Variants in TENM1 observed in about 807,000 individuals in gnomAD.
The protein encoded by TENM1 is teneurin transmembrane protein 1.
In TENM1, 35 loss-of-function variants were observed where a neutral mutation model predicts 174.8. That is an observed-to-expected ratio of 0.20 (90% CI 0.15 to 0.27). The LOEUF is 0.27. TENM1 is among the 10% of genes least tolerant of loss of function. The pLI is 1.00. For missense variants in TENM1, 1,633 were observed against 2,130.1 expected (o/e 0.77, Z 4.59); for synonymous variants, 781 against 798.7 (o/e 0.98, Z 0.37).
chrX:124,443,347 A>T, intron 23 of TENM1, among the ~76,000 whole-genome samples: 1 of 110,595 alleles, frequency 9.0e-6, no homozygotes. Flanking sequence ...GATGAGAGAG[A>T]GGGGAAGGTT....
intron 4 of TENM1, among the ~76,000 whole-genome samples, chrX:124,735,129 A>C (rs1267480213): frequency 1.8e-5 from 2 of 112,557 alleles, no homozygotes; most frequent in Non-Finnish European, 3.7e-5. Context: ...TCTGCATAGC[A>C]AAATAAATAA....
intron 11 of TENM1, among the ~76,000 whole-genome samples, chrX:124,569,076 T>A (rs895561267): frequency 1.8e-5 from 2 of 110,832 alleles, no homozygotes; most frequent in Non-Finnish European, 3.8e-5. Context: ...TGGTGGCATG[T>A]GCCTACAGCT....
chrX:124,738,329 G>GA (rs1205368986), intron 3 of TENM1, among the ~76,000 whole-genome samples: 1,412 of 102,695 alleles, frequency 0.014, 20 homozygotes, highest in African/African-American at 0.041. Context: ...GCTGATCACA[G>GA]AAAAAAAAAA....
At chrX:124,748,530 G>A (rs899037867) in intron 3 of TENM1, among the ~76,000 whole-genome samples, 3 of 111,185 alleles carry the variant, frequency 2.7e-5, no homozygotes, top group East Asian at 5.7e-4. Context: ...TAACCTAAAC[G>A]TTTAGGGAAC....
intron 22 of TENM1, among the ~76,000 whole-genome samples, chrX:124,465,439 T>TG (rs761626790): frequency 3.6e-5 from 4 of 110,774 alleles, no homozygotes; most frequent in African/African-American, 1.3e-4. Flanking sequence ...TTTGTAGATA[T>TG]GGGGGTCTCA....
At chrX:124,401,865 T>C (rs990023686) in intron 27 of TENM1, among the ~76,000 whole-genome samples, 2 of 112,214 alleles carry the variant, frequency 1.8e-5, no homozygotes, top group Non-Finnish European at 3.8e-5. Context: ...TTTTCCTGCC[T>C]GGAAGCCAGC....
intron 25 of TENM1, among the ~76,000 whole-genome samples, chrX:124,415,712 G>T (rs1266999190): frequency 9.0e-6 from 1 of 111,282 alleles, no homozygotes; most frequent in Non-Finnish European, 1.9e-5. Flanking sequence ...CTCGAGATTG[G>T]TTACTCACCA....
chrX:124,494,140 AAAGTAAGTGTT>A (rs1007904247), intron 20 of TENM1, among the ~76,000 whole-genome samples: 5 of 111,657 alleles, frequency 4.5e-5, no homozygotes, highest in African/African-American at 1.6e-4. Flanking sequence ...TGCTTGTGTG[AAAGTAAGTGTT>A]AAATGAAAAT....
chrX:124,621,497 A>ACAAAC (rs1193649783), intron 11 of TENM1, among the ~76,000 whole-genome samples: 6 of 111,576 alleles, frequency 5.4e-5, no homozygotes, highest in Non-Finnish European at 1.1e-4. Flanking sequence ...ACAAAACAAA[A>ACAAAC]CTGGGACCCA....
At position 124,582,972 on chromosome X, in the gene TENM1, C is replaced by G. The variant is rs111776009; in HGVS notation, c.2078-17412G>C. On this transcript the variant is annotated intron_variant, in intron 11 of 31. Coordinates refer to ENST00000422452, the Ensembl canonical transcript of TENM1. ...AGATCAAATTGCAAGACTGCAGCGACGCTGGGGGAGGGGCACCCGCCATTG... is the reference window on the plus strand; with the variant it reads ...AGATCAAATTGCAAGACTGCAGCGAGGCTGGGGGAGGGGCACCCGCCATTG... Among the ~76,000 whole-genome samples the G allele has an allele frequency of 2.7e-5, 3 of 112,129 alleles. No individual in the cohort carries two copies. The East Asian group carries it at 8.4e-4, about 32-fold the overall frequency.
In TENM1 at chrX:124,673,734, C is replaced by T. The variant is rs1569382380; in HGVS notation, c.1016-1899G>A. On this transcript the variant is annotated intron_variant, in intron 5 of 31. Transcript: ENST00000422452. The stretch of plus-strand genomic sequence containing the variant: ...AGAAGTTTCTTTCTCTCTCTCTCTC[C>T]CTCTCTCTCGCTTTCTCTGTCTCTG... 2.7e-5 allele frequency among the ~76,000 whole-genome samples: 3 copies of T among 110,524 alleles called. No individual in the cohort carries two copies. The South Asian group carries it at 1.2e-3, about 43-fold the overall frequency.
In TENM1 at chrX:124,381,202, T is replaced by C. The variant is rs373034456; in HGVS notation, c.7533A>G (p.Gly2511=). Residue 2511 remains glycine (G), a synonymous_variant, in exon 32 of 32, where the codon GGA becomes GGG. Coordinates refer to ENST00000422452, the Ensembl canonical transcript of TENM1. ...GTTGCTTCCCTCCTTCAAGGCACCG[T>C]CCATCATTGTATCGGGGAGTCATAG... 1.9e-4 allele frequency: 234 copies of C among 1,206,753 alleles called. No homozygotes were observed. In the Middle Eastern group the frequency reaches 3.0e-3, roughly 15 times the overall value.
chrX:124,621,470 CT>C (rs1481474516), intron 11 of TENM1, among the ~76,000 whole-genome samples: 1 of 111,941 alleles, frequency 8.9e-6, no homozygotes, highest in Non-Finnish European at 1.9e-5. Flanking sequence ...AAGACTCTGT[CT>C]CAAAATGAAA....
intron 11 of TENM1, among the ~76,000 whole-genome samples, chrX:124,625,518 G>A (rs2050615875): frequency 9.0e-6 from 1 of 111,357 alleles, no homozygotes; most frequent in Non-Finnish European, 1.9e-5. Context: ...GTGTGTGATT[G>A]TATTAGTCCA....
chrX:125,196,496 C>G, the TENM1 span, among the ~76,000 whole-genome samples: 2 of 111,328 alleles, frequency 1.8e-5, no homozygotes, highest in Non-Finnish European at 3.8e-5. Context: ...CAAATGCTTA[C>G]AATTAAGCAG....
At chrX:124,481,518 T>C (rs944483209) in intron 22 of TENM1, among the ~76,000 whole-genome samples, 1 of 109,502 alleles carries the variant, frequency 9.1e-6, no homozygotes, top group African/African-American at 3.3e-5. Context: ...ATAACAGCTA[T>C]AACCATACTA....
chrX:125,129,348 T>C, the TENM1 span, among the ~76,000 whole-genome samples: 1 of 112,107 alleles, frequency 8.9e-6, no homozygotes, highest in African/African-American at 3.2e-5. Flanking sequence ...ATAGTAGATG[T>C]ATATATTTTT....
the TENM1 span, among the ~76,000 whole-genome samples, chrX:124,993,094 G>C: frequency 2.6e-3 from 293 of 111,061 alleles, 1 homozygote; most frequent in African/African-American, 9.2e-3. Context: ...TCTCCGGTTA[G>C]AGTGTTCAAT....
At chrX:124,585,745 G>A (rs1158181413) in intron 11 of TENM1, among the ~76,000 whole-genome samples, 1 of 111,403 alleles carries the variant, frequency 9.0e-6, no homozygotes, top group African/African-American at 3.3e-5. Context: ...AATGAATCCA[G>A]GAGCTGGTTT....
Sources: gnomAD v4.1 joint callset for allele counts (sites outside exome capture counted in the v4.1 genomes callset) on GRCh38, gnomAD v4.1.1 for gene constraint, MANE v1.5 for transcripts, NCBI Gene and HGNC (gene_info 2026-07-23, HGNC 2026-07-21) for gene names.